The following FMO2 variants were observed in gnomAD, a reference collection of about 807,000 sequenced individuals.
FMO2 encodes flavin containing dimethylaniline monoxygenase 2, also known as flavin-containing monooxygenase 2.
In FMO2, 33 loss-of-function variants were observed where a neutral mutation model predicts 41.6. That is an observed-to-expected ratio of 0.79 (90% CI 0.60 to 1.06). The LOEUF (loss-of-function observed/expected upper bound fraction) is 1.06, where lower values mean the gene tolerates loss of function less well. Ranked by LOEUF, FMO2 falls within the 50% of genes least tolerant of loss-of-function variation. The pLI, the probability that FMO2 is intolerant of heterozygous loss-of-function variation, is 0.00. For missense variants in FMO2, 619 were observed against 632.9 expected, an observed-to-expected ratio of 0.98 and a Z score of 0.23; for synonymous variants, 214 against 219.6, an observed-to-expected ratio of 0.97 and a Z score of 0.23.
At chr1:171,199,208 A>C (rs1236784015) in intron 4 of FMO2, 138 bp from the exon 5 acceptor site, 1 of 766,144 alleles carries the variant, frequency 1.3e-6, no homozygotes, top group Admixed American at 2.9e-5. Flanking sequence ...AAACTTTCTT[A>C]TGTGCTTTAC....
At chr1:171,185,486 TAAAGCTAGATG>T in intron 1 of FMO2, 127 bp downstream of exon 1, 2 of 427,350 alleles carry the variant, frequency 4.7e-6, no homozygotes, top group East Asian at 7.6e-5. Context: ...TTTTAAATAT[TAAAGCTAGATG>T]TAAGCAAGGT....
intron 3 of FMO2, among the ~76,000 whole-genome samples, chr1:171,194,021 C>A (rs1323743480): frequency 7.9e-5 from 12 of 152,124 alleles, no homozygotes; most frequent in Non-Finnish European, 1.2e-4. Context: ...CTCAAGTGAT[C>A]CACCCGCCTC....
intron 2 of FMO2, among the ~76,000 whole-genome samples, chr1:171,193,113 T>G (rs955541255): frequency 1.3e-5 from 2 of 152,102 alleles, no homozygotes; most frequent in Admixed American, 6.6e-5. Context: ...ATTGCCAATA[T>G]TACCCCTACC....
rs528449102 is a variant in FMO2 at position 171,187,944 on chromosome 1, G to T, written c.132+2099G>T. ...ATTAATATCATTTTAGTTTTTCCTG[G>T]GATGGTGATATAATATGGTGGTCAT... On this transcript the variant is annotated intron_variant, in intron 2 of 8. Transcript: ENST00000209929. Among the ~76,000 whole-genome samples the T allele has an allele frequency of 3.9e-4, 59 of 151,902 alleles. 1 individual carries two copies. The South Asian group carries it at 7.3e-3, about 19-fold the overall frequency.
chr1:171,205,637 A>T lies in FMO2; in HGVS notation c.1183+3A>T, dbSNP rs768308915. ...TTGGGTGACAAGAGTTTTCAAAGGTAAGTGTGTAGGCAGGTGAGTGGCTAA... is the reference window on the plus strand; with the variant it reads ...TTGGGTGACAAGAGTTTTCAAAGGTTAGTGTGTAGGCAGGTGAGTGGCTAA... On this transcript the variant is annotated splice_donor_region_variant and intron_variant, in intron 7 of 8. Coordinates refer to ENST00000209929, the MANE Select transcript of FMO2 (RefSeq NM_001460.5). 1 of 1,591,894 alleles carries T rather than the reference A, an allele frequency of 6.3e-7. No homozygotes were observed. The highest frequency in any genetic ancestry group is 1.1e-5 in the South Asian group (1 of 88,158).
At chr1:171,202,914 T>C (rs1042963935) in intron 5 of FMO2, among the ~76,000 whole-genome samples, 1 of 152,090 alleles carries the variant, frequency 6.6e-6, no homozygotes, top group Non-Finnish European at 1.5e-5. Flanking sequence ...AAAATATACA[T>C]TTGAAAAGAG....
In FMO2 at chr1:171,212,304, C is replaced by T. The variant is rs1286666483; in HGVS notation, c.*3159C>T. ...TTTTTCCCTTCTGCCTTCACCTTTG[C>T]CGTGGGTGGACACAGCAAGAAGGCC... On this transcript the variant is annotated 3_prime_UTR_variant, in exon 9 of 9. Coordinates refer to ENST00000209929, the MANE Select transcript of FMO2 (RefSeq NM_001460.5). Among the ~76,000 whole-genome samples, 18 of 152,180 alleles carry T rather than the reference C, an allele frequency of 1.2e-4. No homozygotes were observed. Among genetic ancestry groups the T allele is most frequent in the Admixed American group, 1.1e-3 (17 of 15,272 alleles).
At position 171,199,372 on chromosome 1, in the gene FMO2, T is replaced by A. The variant is rs764194399; in HGVS notation, c.511T>A (p.Phe171Ile). 1.1e-5 allele frequency: 18 copies of A among 1,609,968 alleles called. No individual in the cohort carries two copies. The African/African-American group carries it at 1.2e-4, about 11-fold the overall frequency. The change falls in exon 5 of 9, where the codon TTC (phenylalanine) becomes ATC (isoleucine). Residue 171 changes from phenylalanine (F) to isoleucine (I), a missense_variant. Phe to Ile is a conservative substitution (Grantham distance 21, BLOSUM62 0). Coordinates refer to ENST00000209929, the MANE Select transcript of FMO2 (RefSeq NM_001460.5). ...PGMERFKGQY[F>I]HSRQYKHPDG... ...TATGGAGAGGTTCAAAGGCCAATAT[T>A]TCCATAGCCGCCAATACAAGCATCC... is the stretch of plus-strand genomic sequence containing the variant.
chr1:171,190,890 A>T (rs1474243099), intron 2 of FMO2, among the ~76,000 whole-genome samples: 1 of 152,206 alleles, frequency 6.6e-6, no homozygotes, highest in Non-Finnish European at 1.5e-5. Flanking sequence ...TCACGCCTGT[A>T]ATCCCAGCAC....
At chr1:171,185,900 TCA>T in intron 2 of FMO2, 55 bp downstream of exon 2, 1 of 1,556,868 alleles carries the variant, frequency 6.4e-7, no homozygotes, top group Non-Finnish European at 8.8e-7. Context: ...TCAGGGTGAA[TCA>T]CAGTTACTGA....
At chr1:171,192,758 T>A (rs1404111738) in intron 2 of FMO2, among the ~76,000 whole-genome samples, 1 of 113,876 alleles carries the variant, frequency 8.8e-6, no homozygotes, top group African/African-American at 4.0e-5. Context: ...AGAGCGAGAC[T>A]CTGTCTCAAA....
Position 171,206,605 on chromosome 1 carries a change from C to T in FMO2, c.1183+971C>T, listed in dbSNP as rs185165795. 4.6e-5 allele frequency among the ~76,000 whole-genome samples: 7 copies of T among 152,166 alleles called. No homozygotes were observed. The East Asian group carries it at 1.4e-3, about 29-fold the overall frequency. On this transcript the variant is annotated intron_variant, in intron 7 of 8. Coordinates refer to ENST00000209929, the MANE Select transcript of FMO2 (RefSeq NM_001460.5). ...AATCATCTGATGGATCCTTAGGGAC[C>T]CTGATTAAGTAAGACTGGCCAAGGG...
intron 2 of FMO2, among the ~76,000 whole-genome samples, chr1:171,188,508 A>G (rs1211632978): frequency 6.6e-6 from 1 of 152,214 alleles, no homozygotes; most frequent in Non-Finnish European, 1.5e-5. Flanking sequence ...CAAAGAGTCC[A>G]AAGAGTCTCC....
intron 2 of FMO2, among the ~76,000 whole-genome samples, chr1:171,190,927 C>G (rs28369827): frequency 6.6e-6 from 1 of 152,300 alleles, no homozygotes; most frequent in African/African-American, 2.4e-5. Context: ...AGGTGGATCA[C>G]CTGAGGTCGG....
chr1:171,187,637 A>T (rs1388647728), intron 2 of FMO2, among the ~76,000 whole-genome samples: 2 of 150,050 alleles, frequency 1.3e-5, no homozygotes, highest in African/African-American at 4.9e-5. Context: ...CAAAAAAAAA[A>T]AAAAAAAAAA....
rs188168168 is a variant in FMO2, at chr1:171,204,603, G to C, written c.827+539G>C. 3.9e-3 allele frequency among the ~76,000 whole-genome samples: 591 copies of C among 152,140 alleles called. 2 individuals carry two copies. The highest frequency in any genetic ancestry group is 5.3e-3 in the Non-Finnish European group (362 of 67,986). ...ACAGGCTTCTTCCCTTAAAAAAACAGAAGAGCTTTAGAATCTTTTAACAAA... is the reference window on the plus strand; with the variant it reads ...ACAGGCTTCTTCCCTTAAAAAAACACAAGAGCTTTAGAATCTTTTAACAAA... On this transcript the variant is annotated intron_variant, in intron 6 of 8. Transcript: ENST00000209929.
At chr1:171,201,949 C>T (rs557126835) in intron 5 of FMO2, among the ~76,000 whole-genome samples, 3 of 152,220 alleles carry the variant, frequency 2.0e-5, no homozygotes, top group Admixed American at 6.5e-5. Flanking sequence ...GCCCTTGACA[C>T]GTGGGGATTA....
chr1:171,203,405 T>G (rs1262536732), intron 5 of FMO2, among the ~76,000 whole-genome samples: 1 of 152,084 alleles, frequency 6.6e-6, no homozygotes, highest in Admixed American at 6.6e-5. Context: ...TCCCCTGTTA[T>G]TCTCCATCCA....
chr1:171,192,475 C>T (rs143412340), intron 2 of FMO2, among the ~76,000 whole-genome samples: 82 of 152,212 alleles, frequency 5.4e-4, no homozygotes, highest in African/African-American at 1.9e-3. Context: ...TGGCCAGGTG[C>T]AGTGGATGAA....
Sources: gnomAD v4.1 joint callset for allele counts (sites outside exome capture counted in the v4.1 genomes callset) on GRCh38, gnomAD v4.1.1 for gene constraint, MANE v1.5 for transcripts, NCBI Gene and HGNC (gene_info 2026-07-23, HGNC 2026-07-21) for gene names.